Variants in FHOD3 observed in about 807,000 individuals in gnomAD.
FHOD3 encodes the protein FH1/FH2 domain-containing protein 3.
A neutral mutation model predicts 173.0 loss-of-function variants in FHOD3; 90 were observed. That is an observed-to-expected ratio of 0.52 (90% CI 0.44 to 0.62). The LOEUF is 0.62. Ranked by LOEUF, FHOD3 falls within the 20% of genes least tolerant of loss-of-function variation. FHOD3 has a pLI of 0.00. For synonymous variants in FHOD3, 828 were observed against 823.0 expected (o/e 1.01, Z -0.10); for missense variants, 1,945 against 2,034.7 (o/e 0.96, Z 0.85).
intron 1 of FHOD3, among the ~76,000 whole-genome samples, chr18:36,316,729 T>C (rs1159422673): frequency 6.6e-6 from 1 of 152,092 alleles, no homozygotes; most frequent in Non-Finnish European, 1.5e-5. Flanking sequence ...ATTTTTTTTT[T>C]CTTTATATTA....
At chr18:36,745,915 C>T (rs2042137642) in intron 23 of FHOD3, among the ~76,000 whole-genome samples, 1 of 151,938 alleles carries the variant, frequency 6.6e-6, no homozygotes, top group Non-Finnish European at 1.5e-5. Flanking sequence ...TTGCTGGACA[C>T]AGCCTTTCCC....
chr18:36,609,449 G>T (rs1278769935), intron 8 of FHOD3, among the ~76,000 whole-genome samples: 1 of 152,096 alleles, frequency 6.6e-6, no homozygotes, highest in Admixed American at 6.5e-5. Context: ...AGTGGCAGAA[G>T]GCCATCATTT....
intron 15 of FHOD3, 111 bp downstream of exon 15, chr18:36,681,681 G>T (rs1370386818): frequency 7.7e-7 from 1 of 1,304,486 alleles, no homozygotes; most frequent in South Asian, 1.6e-5. Flanking sequence ...TGAAAATTCT[G>T]TCTGTATTTT....
intron 3 of FHOD3, among the ~76,000 whole-genome samples, chr18:36,396,969 T>C (rs1051401253): frequency 6.6e-6 from 1 of 151,848 alleles, no homozygotes; most frequent in African/African-American, 2.4e-5. Context: ...TCTATTCTTG[T>C]CTCTCACTTT....
intron 24 of FHOD3, among the ~76,000 whole-genome samples, chr18:36,747,888 C>T (rs560488896): frequency 6.6e-6 from 1 of 152,224 alleles, no homozygotes; most frequent in African/African-American, 2.4e-5. Flanking sequence ...GGGACCCTCA[C>T]CCATTCTTCC....
intron 7 of FHOD3, 42 bp downstream of exon 7, chr18:36,594,940 T>C (rs1483758152): frequency 7.5e-7 from 1 of 1,326,098 alleles, no homozygotes; most frequent in African/African-American, 1.4e-5. Flanking sequence ...GGTGAAGGTG[T>C]CTAATGTAGG....
intron 10 of FHOD3, among the ~76,000 whole-genome samples, chr18:36,636,667 T>C (rs927569726): frequency 3.3e-5 from 5 of 152,002 alleles, no homozygotes; most frequent in African/African-American, 1.2e-4. Context: ...TTTTTTTTTT[T>C]TTTTCCAGCC....
chr18:36,320,404 G>A (rs2144921947), intron 1 of FHOD3, among the ~76,000 whole-genome samples: 1 of 152,256 alleles, frequency 6.6e-6, no homozygotes, highest in African/African-American at 2.4e-5. Context: ...TAAATTCCTG[G>A]ACACATACAC....
chr18:36,752,476 T>A (rs2042444273), intron 24 of FHOD3, among the ~76,000 whole-genome samples: 1 of 152,178 alleles, frequency 6.6e-6, no homozygotes, highest in Non-Finnish European at 1.5e-5. Flanking sequence ...GCTTACTGGT[T>A]AGGGGGGCCA....
At chr18:36,395,494 G>A (rs1452097025) in intron 3 of FHOD3, among the ~76,000 whole-genome samples, 1 of 152,014 alleles carries the variant, frequency 6.6e-6, no homozygotes, top group African/African-American at 2.4e-5. Flanking sequence ...ACTCATTCTC[G>A]AGTTGGGGAG....
At chr18:36,552,594 G>T (rs943787443) in intron 5 of FHOD3, among the ~76,000 whole-genome samples, 14 of 151,674 alleles carry the variant, frequency 9.2e-5, no homozygotes, top group African/African-American at 2.7e-4. Flanking sequence ...CGCCTCCCAG[G>T]TTCATGCCAT....
At chr18:36,340,323 G>GATAATAATAA (rs1434714007) in intron 1 of FHOD3, among the ~76,000 whole-genome samples, 2 of 152,178 alleles carry the variant, frequency 1.3e-5, no homozygotes, top group Non-Finnish European at 2.9e-5. Context: ...TGTTAGGCAG[G>GATAATAATAA]ATAATAATAA....
chr18:36,325,439 A>G (rs1051359146), intron 1 of FHOD3, among the ~76,000 whole-genome samples: 2 of 152,220 alleles, frequency 1.3e-5, no homozygotes, highest in Admixed American at 6.5e-5. Flanking sequence ...AGTTTTTCAG[A>G]TACTTTAACT....
rs369056215 is a variant in FHOD3, at chr18:36,673,005, T to A, written c.1836-8431T>A. Among the ~76,000 whole-genome samples, 202 of 152,276 alleles carry A rather than the reference T, an allele frequency of 1.3e-3. 3 individuals carry two copies. In the South Asian group the frequency reaches 0.039, roughly 30 times the overall value. On this transcript the variant is annotated intron_variant, in intron 14 of 28. Transcript: ENST00000590592. ...GTCTTAGCCTTATCTTTATAAAGATTTCCTGTTTTATGTTTAGTCTATTTG... is the reference window on the plus strand; with the variant it reads ...GTCTTAGCCTTATCTTTATAAAGATATCCTGTTTTATGTTTAGTCTATTTG...
intron 6 of FHOD3, among the ~76,000 whole-genome samples, chr18:36,591,879 C>T (rs1009772860): frequency 6.6e-6 from 1 of 152,124 alleles, no homozygotes; most frequent in African/African-American, 2.4e-5. Context: ...GCTGTGCTTA[C>T]ACCACCACAC....
chr18:36,567,488 C>A (rs2058305977), intron 5 of FHOD3, among the ~76,000 whole-genome samples: 1 of 152,144 alleles, frequency 6.6e-6, no homozygotes, highest in African/African-American at 2.4e-5. Flanking sequence ...AGTAAGTACA[C>A]AGGACCCTGT....
chr18:36,667,521 C>T (rs897052527), intron 14 of FHOD3, among the ~76,000 whole-genome samples: 6 of 152,150 alleles, frequency 3.9e-5, no homozygotes, highest in Admixed American at 3.9e-4. Context: ...CCTGTTACTC[C>T]TAGACTGCAA....
In FHOD3 at chr18:36,372,693, C is replaced by G. The variant is rs2047252432; in HGVS notation, c.286C>G (p.His96Asp). ...CTGTCTCGTTAGGCGGGGCAAGAAG[C>G]ACAGCATCATCCTAAGGACGCAGCT... Reference protein sequence around the residue: ...FQDDAGRGKKHSIILRTQLSV... With the variant: ...FQDDAGRGKKDSIILRTQLSV... The change falls in exon 3 of 29, where the codon CAC (histidine) becomes GAC (aspartate). Residue 96 changes from histidine to aspartate, a missense_variant. Around this residue, in one of 5 missense-constraint regions of FHOD3, gnomAD observed 245 missense variants for 267.7 expected, o/e 0.92. Transcript: ENST00000590592. 3.7e-6 allele frequency: 6 copies of G among 1,613,832 alleles called. No individual in the cohort carries two copies. The highest frequency in any genetic ancestry group is 5.1e-6 in the Non-Finnish European group (6 of 1,179,944).
chr18:36,582,487 C>G (rs1484069924), intron 6 of FHOD3, among the ~76,000 whole-genome samples: 2 of 152,204 alleles, frequency 1.3e-5, no homozygotes, highest in Non-Finnish European at 2.9e-5. Flanking sequence ...AATACTGTTG[C>G]ATGCTGGAAT....
Sources: gnomAD v4.1 joint callset for allele counts (sites outside exome capture counted in the v4.1 genomes callset) on GRCh38, gnomAD v4.1.1 for gene constraint, gnomAD v4.1.1 regional missense constraint, MANE v1.5 for transcripts, NCBI Gene and HGNC (gene_info 2026-07-23, HGNC 2026-07-21) for gene names.